CFAP299: variants seen among roughly 807,000 people sequenced by gnomAD.
CFAP299 encodes cilia and flagella associated protein 299.
A neutral mutation model predicts 27.0 loss-of-function variants in CFAP299; 21 were observed. The observed-to-expected ratio is 0.78, with a 90% CI of 0.55 to 1.12. The LOEUF is 1.12. CFAP299 is among the 50% of genes most tolerant of loss of function. The pLI is 0.00. For synonymous variants in CFAP299, 104 were observed against 98.1 expected (o/e 1.06, Z -0.36); for missense variants, 310 against 276.6 (o/e 1.12, Z -0.86).
At chr4:80,774,455 C>A (rs945977051) in intron 3 of CFAP299, among the ~76,000 whole-genome samples, 1 of 151,748 alleles carries the variant, frequency 6.6e-6, no homozygotes, top group African/African-American at 2.4e-5. Flanking sequence ...ATAAAAAATG[C>A]ATATTTATGT....
intron 3 of CFAP299, among the ~76,000 whole-genome samples, chr4:80,751,960 ACTT>A (rs1724955239): frequency 6.6e-6 from 1 of 152,004 alleles, no homozygotes; most frequent in African/African-American, 2.4e-5. Flanking sequence ...AGTATGTAAA[ACTT>A]CTCAGTTTCT....
intron 3 of CFAP299, among the ~76,000 whole-genome samples, chr4:80,833,157 G>A (rs1359026083): frequency 6.6e-6 from 1 of 152,010 alleles, no homozygotes; most frequent in Non-Finnish European, 1.5e-5. Context: ...GCTGAACATA[G>A]TAACTAAAAG....
chr4:80,778,003 T>A (rs1258175889), intron 3 of CFAP299, among the ~76,000 whole-genome samples: 1 of 152,102 alleles, frequency 6.6e-6, no homozygotes. Flanking sequence ...GAGAAAAAAA[T>A]TTACTTTTAG....
the CFAP299 span, among the ~76,000 whole-genome samples, chr4:80,322,933 A>G: frequency 1.3e-5 from 2 of 152,114 alleles, no homozygotes; most frequent in African/African-American, 4.8e-5. Context: ...GTCTGGGGAG[A>G]CTCAGGCAGG....
intron 3 of CFAP299, among the ~76,000 whole-genome samples, chr4:80,772,507 T>A (rs1726276525): frequency 1.3e-5 from 2 of 152,102 alleles, no homozygotes; most frequent in Non-Finnish European, 2.9e-5. Context: ...AGATTATATA[T>A]CTATAATAAC....
chr4:80,753,174 G>T (rs1725032186), intron 3 of CFAP299, among the ~76,000 whole-genome samples: 1 of 151,972 alleles, frequency 6.6e-6, no homozygotes, highest in Non-Finnish European at 1.5e-5. Flanking sequence ...TTTAGTGAAA[G>T]TCTGCTGGCA....
chr4:80,428,815 A>G (rs1727657298), intron 2 of CFAP299, among the ~76,000 whole-genome samples: 1 of 152,012 alleles, frequency 6.6e-6, no homozygotes, highest in Non-Finnish European at 1.5e-5. Flanking sequence ...CTGGGATTAC[A>G]GGCGTGAGCC....
At chr4:80,564,532 A>G (rs1231740097) in intron 2 of CFAP299, among the ~76,000 whole-genome samples, 1 of 152,052 alleles carries the variant, frequency 6.6e-6, no homozygotes, top group Non-Finnish European at 1.5e-5. Flanking sequence ...ACATAACTCA[A>G]CATAATAAAA....
At chr4:80,372,914 C>G (rs1003114282) in intron 2 of CFAP299, among the ~76,000 whole-genome samples, 1 of 152,148 alleles carries the variant, frequency 6.6e-6, no homozygotes, top group South Asian at 2.1e-4. Context: ...AACTTATTCA[C>G]GAAATCAATA....
chr4:80,447,141 T>TTTTTTTTTTTTTTTG (rs1560571682), intron 2 of CFAP299, among the ~76,000 whole-genome samples: 3 of 126,484 alleles, frequency 2.4e-5, no homozygotes, highest in African/African-American at 9.9e-5. Flanking sequence ...TTTTTTTTTT[T>TTTTTTTTTTTTTTTG]TTTTTTTTTT....
chr4:80,478,086 A>G (rs1404127841), intron 2 of CFAP299, among the ~76,000 whole-genome samples: 1 of 152,178 alleles, frequency 6.6e-6, no homozygotes, highest in Non-Finnish European at 1.5e-5. Flanking sequence ...AATTTTCAAA[A>G]ACTATCTCCT....
At chr4:80,397,369 G>A (rs368856182) in intron 2 of CFAP299, among the ~76,000 whole-genome samples, 18 of 151,936 alleles carry the variant, frequency 1.2e-4, no homozygotes, top group South Asian at 1.0e-3. Context: ...GTTTTTTTGC[G>A]TCTCTATCTC....
At chr4:80,885,857 G>C (rs2110180839) in intron 4 of CFAP299, among the ~76,000 whole-genome samples, 1 of 152,258 alleles carries the variant, frequency 6.6e-6, no homozygotes, top group African/African-American at 2.4e-5. Context: ...ATGCACTTTA[G>C]GTACCAGCTC....
chr4:80,639,834 G>A (rs10013609), intron 3 of CFAP299: 92,263 of 152,192 alleles, frequency 0.61, 31,829 homozygotes, highest in Non-Finnish European at 0.76. Flanking sequence ...CACCACACCC[G>A]GGTAATTTTG....
At chr4:80,429,433 C>T (rs1027352736) in intron 2 of CFAP299, among the ~76,000 whole-genome samples, 2 of 152,038 alleles carry the variant, frequency 1.3e-5, no homozygotes, top group Admixed American at 1.3e-4. Context: ...AGAAATGTTT[C>T]TCCTTTAACT....
chr4:80,329,199 C>G, the CFAP299 span, among the ~76,000 whole-genome samples: 1 of 75,834 alleles, frequency 1.3e-5, no homozygotes. Context: ...CCCAGCAGTA[C>G]ACTGTATACA....
intron 3 of CFAP299, among the ~76,000 whole-genome samples, chr4:80,676,598 A>G (rs1341711342): frequency 6.6e-6 from 1 of 152,060 alleles, no homozygotes; most frequent in South Asian, 2.1e-4. Flanking sequence ...TTCTCTGAGG[A>G]AAGACTTTTT....
chr4:80,800,077 A>G (rs1205283796), intron 3 of CFAP299, among the ~76,000 whole-genome samples: 1 of 69,388 alleles, frequency 1.4e-5, no homozygotes, highest in Non-Finnish European at 2.4e-5. Context: ...TTATATAAAT[A>G]AAATATAAAT....
intron 3 of CFAP299, among the ~76,000 whole-genome samples, chr4:80,618,220 T>G (rs1180508057): frequency 6.6e-6 from 1 of 152,022 alleles, no homozygotes; most frequent in African/African-American, 2.4e-5. Flanking sequence ...AGAAAAAAAT[T>G]AAAGGTAGAG....
Sources: allele counts gnomAD v4.1 joint callset (sites outside exome capture counted in the v4.1 genomes callset), GRCh38; gene constraint gnomAD v4.1.1; transcripts MANE v1.5; gene names NCBI Gene and HGNC (gene_info 2026-07-23, HGNC 2026-07-21).